KCTD1: variants seen among roughly 807,000 people sequenced by gnomAD.
KCTD1 encodes BTB/POZ domain-containing protein KCTD1.
In KCTD1, 24 loss-of-function variants were observed where a neutral mutation model predicts 66.0. That is an observed-to-expected ratio of 0.36 (90% CI 0.26 to 0.51). KCTD1 has a LOEUF of 0.51. Ranked by LOEUF, KCTD1 falls within the 20% of genes least tolerant of loss-of-function variation. The probability of loss-of-function intolerance (pLI) is 0.95; values close to 1 mark genes in which losing one functional copy is unlikely to be tolerated. For missense variants in KCTD1, 943 were observed against 1,205.2 expected (o/e 0.78, Z 3.22); for synonymous variants, 511 against 517.2 (o/e 0.99, Z 0.16).
chr18:26,546,782 G>A lies in KCTD1; in HGVS notation c.1755C>T (p.His585=), dbSNP rs1485463814. The part of the protein sequence containing the change: ...PLPLLPEANG[H]RSTNSPTIVS... ...CTATTGTGGGAGAATTGGTGCTTCTGTGCCCATTGGCTTCTGGAAGAAGAG... is the reference window on the plus strand; with the variant it reads ...CTATTGTGGGAGAATTGGTGCTTCTATGCCCATTGGCTTCTGGAAGAAGAG... Residue 585 remains histidine, a synonymous_variant, in exon 1 of 5, where the codon CAC becomes CAT. Transcript: ENST00000580059. 4 of 1,549,674 alleles carry A rather than the reference G, an allele frequency of 2.6e-6. No individual in the cohort carries two copies. In the African/African-American group the frequency reaches 4.1e-5, roughly 16 times the overall value.
intron 2 of KCTD1, among the ~76,000 whole-genome samples, chr18:26,481,084 A>G (rs940366750): frequency 3.9e-5 from 6 of 152,178 alleles, no homozygotes; most frequent in African/African-American, 1.2e-4. Flanking sequence ...TTTCTTGTGT[A>G]ATCATTCAGT....
upstream of KCTD1, among the ~76,000 whole-genome samples, chr18:26,551,598 G>T (rs1985569155): frequency 1.3e-5 from 2 of 151,990 alleles, no homozygotes; most frequent in Non-Finnish European, 2.9e-5. Context: ...AGGAGTCACG[G>T]GAAGAACACC....
intron 1 of KCTD1, among the ~76,000 whole-genome samples, chr18:26,637,942 G>A (rs1387751456): frequency 6.6e-6 from 1 of 152,220 alleles, no homozygotes; most frequent in Non-Finnish European, 1.5e-5. Context: ...TATCATTTTT[G>A]TAACGTTAGA....
At chr18:26,583,686 C>T (rs1275520264) in intron 1 of KCTD1, among the ~76,000 whole-genome samples, 2 of 152,146 alleles carry the variant, frequency 1.3e-5, no homozygotes, top group Non-Finnish European at 2.9e-5. Flanking sequence ...ATCTTTAGCA[C>T]AACAAAAATA....
At chr18:26,583,829 AAAAGTGGC>A (rs1363319071) in intron 1 of KCTD1, among the ~76,000 whole-genome samples, 2 of 152,220 alleles carry the variant, frequency 1.3e-5, no homozygotes, top group African/African-American at 4.8e-5. Flanking sequence ...GTCAAAATAC[AAAAGTGGC>A]TCCTAAGGAC....
chr18:26,503,603 A>G (rs1982880546), intron 1 of KCTD1, among the ~76,000 whole-genome samples: 1 of 152,076 alleles, frequency 6.6e-6, no homozygotes, highest in South Asian at 2.1e-4. Flanking sequence ...CACATTCTCT[A>G]TCCTGCCTGA....
At chr18:26,523,715 A>C (rs1404278577) in intron 1 of KCTD1, among the ~76,000 whole-genome samples, 1 of 152,266 alleles carries the variant, frequency 6.6e-6, no homozygotes, top group Non-Finnish European at 1.5e-5. Context: ...TTTTCTGAGA[A>C]TCTTACTATC....
In KCTD1 at chr18:26,546,721, T is replaced by C. The variant is rs1306238680; in HGVS notation, c.1809+7A>G. The C allele has an allele frequency of 6.5e-7, 1 of 1,543,144 alleles. No homozygotes were observed. The highest frequency in any genetic ancestry group is 8.7e-7 in the Non-Finnish European group (1 of 1,143,696). On this transcript the variant is annotated splice_region_variant and intron_variant, in intron 1 of 4. Coordinates refer to ENST00000580059, the MANE Select transcript of KCTD1 (RefSeq NM_001142730.3). ...AACATTTCATGCATAGAGTTTGGTT[T>C]GGTTACCTGGGTGGGGGAAACAATA...
chr18:26,593,626 GA>G (rs1986684516), intron 1 of KCTD1, among the ~76,000 whole-genome samples: 1 of 129,802 alleles, frequency 7.7e-6, no homozygotes, highest in South Asian at 2.6e-4. Flanking sequence ...GGAGGAGGAG[GA>G]AGATGAGGAG....
At chr18:26,472,821 C>G (rs1598881374) in intron 3 of KCTD1, among the ~76,000 whole-genome samples, 1 of 152,244 alleles carries the variant, frequency 6.6e-6, no homozygotes, top group East Asian at 1.9e-4. Context: ...TCCTGGTTCT[C>G]TCCCTAGGTC....
At chr18:26,622,339 T>C (rs1054153568) in intron 1 of KCTD1, among the ~76,000 whole-genome samples, 1 of 152,242 alleles carries the variant, frequency 6.6e-6, no homozygotes, top group Non-Finnish European at 1.5e-5. Flanking sequence ...CATTCTGAGG[T>C]TCTGCTACTT....
At chr18:26,470,630 T>C (rs1981003922) in intron 3 of KCTD1, among the ~76,000 whole-genome samples, 2 of 152,174 alleles carry the variant, frequency 1.3e-5, no homozygotes, top group Admixed American at 1.3e-4. Flanking sequence ...AAATCTCCTA[T>C]AGTGTAAGCC....
Position 26,574,826 on chromosome 18 carries a change from A to G in KCTD1, c.-16+54321T>C, listed in dbSNP as rs149696123. On this transcript the variant is annotated intron_variant, in intron 1 of 4. Transcript: ENST00000317932. The stretch of plus-strand genomic sequence containing the variant: ...TTATGTTAGATAGCTTCACATCATC[A>G]TTTATTCATTCCCAGGATAAAACTG... Among the ~76,000 whole-genome samples the G allele has an allele frequency of 6.8e-3, 1,038 of 152,290 alleles. 8 individuals are homozygous for G. The highest frequency in any genetic ancestry group is 9.4e-3 in the Non-Finnish European group (641 of 68,014).
At chr18:26,493,668 C>T (rs1982322619) in intron 2 of KCTD1, among the ~76,000 whole-genome samples, 1 of 152,134 alleles carries the variant, frequency 6.6e-6, no homozygotes, top group African/African-American at 2.4e-5. Flanking sequence ...ATGGGGTATC[C>T]ATCCCCTCGA....
chr18:26,549,458 C>G (rs2144848990), upstream of KCTD1: 1 of 985,510 alleles, frequency 1.0e-6, no homozygotes. Flanking sequence ...AGGAGCGAGG[C>G]AGAGAAGACT....
intron 1 of KCTD1, among the ~76,000 whole-genome samples, chr18:26,617,455 A>G (rs1568011014): frequency 6.6e-6 from 1 of 152,224 alleles, no homozygotes; most frequent in Non-Finnish European, 1.5e-5. Context: ...ATGACTAACA[A>G]TTTGGCTTTT....
intron 1 of KCTD1, among the ~76,000 whole-genome samples, chr18:26,571,373 A>G (rs1986102440): frequency 1.3e-5 from 2 of 152,236 alleles, no homozygotes; most frequent in South Asian, 2.1e-4. Flanking sequence ...AAAAATACCC[A>G]TATCTGGTTA....
At chr18:26,541,464 T>C (rs545190337) in intron 1 of KCTD1, among the ~76,000 whole-genome samples, 1 of 152,354 alleles carries the variant, frequency 6.6e-6, no homozygotes, top group East Asian at 1.9e-4. Context: ...GCAAAATTTA[T>C]GATATCCACC....
chr18:26,612,131 C>G (rs933696389), intron 1 of KCTD1, among the ~76,000 whole-genome samples: 1 of 152,144 alleles, frequency 6.6e-6, no homozygotes, highest in Non-Finnish European at 1.5e-5. Context: ...TCCTCACATG[C>G]ATGTGCTGAT....
Sources: gnomAD v4.1 joint callset for allele counts (sites outside exome capture counted in the v4.1 genomes callset) on GRCh38, gnomAD v4.1.1 for gene constraint, MANE v1.5 for transcripts, NCBI Gene and HGNC (gene_info 2026-07-23, HGNC 2026-07-21) for gene names.